The following RBFOX1 variants were observed in gnomAD, a reference collection of about 807,000 sequenced individuals.
The protein encoded by RBFOX1 is RNA binding protein fox-1 homolog 1.
RBFOX1 carries 8 observed loss-of-function variants against 57.7 expected under a neutral mutation model. The observed-to-expected ratio is 0.14, with a 90% CI of 0.08 to 0.25. The LOEUF (loss-of-function observed/expected upper bound fraction) is 0.25, where lower values mean the gene tolerates loss of function less well. RBFOX1 is among the 10% of genes least tolerant of loss of function. RBFOX1 has a pLI of 1.00. For synonymous variants in RBFOX1, 326 were observed against 222.4 expected, an observed-to-expected ratio of 1.47 and a Z score of -4.15; for missense variants, 611 against 548.5, an observed-to-expected ratio of 1.11 and a Z score of -1.14.
Position 6,915,622 on chromosome 16 carries a change from G to T in RBFOX1, c.-15-136435G>T, listed in dbSNP as rs2072958819. On this transcript the variant is annotated intron_variant, in intron 3 of 15. Transcript: ENST00000550418. Reference sequence around the variant, plus strand: ...CTGGAGTGCAGTGCCATGATCTCAGGTCACTGCAACCTCTGCCTCTCGGGT... The same window carrying T: ...CTGGAGTGCAGTGCCATGATCTCAGTTCACTGCAACCTCTGCCTCTCGGGT... Among the ~76,000 whole-genome samples the T allele has an allele frequency of 2.7e-5, 4 of 147,348 alleles. No homozygotes were observed. In the South Asian group the frequency reaches 8.7e-4, roughly 32 times the overall value.
intron 4 of RBFOX1, among the ~76,000 whole-genome samples, chr16:7,302,071 A>G (rs935447061): frequency 1.3e-5 from 2 of 152,160 alleles, no homozygotes; most frequent in South Asian, 4.1e-4. Context: ...TAAAAGCAGT[A>G]CAGAATAGCA....
chr16:6,066,316 A>C (rs1400975772), intron 1 of RBFOX1, among the ~76,000 whole-genome samples: 1 of 128,122 alleles, frequency 7.8e-6, no homozygotes, highest in Non-Finnish European at 1.8e-5. Context: ...AAAAAAAAAA[A>C]AAAAGGCATA....
intron 2 of RBFOX1, among the ~76,000 whole-genome samples, chr16:5,470,509 C>T (rs537327397): frequency 1.3e-5 from 2 of 152,186 alleles, no homozygotes; most frequent in African/African-American, 2.4e-5. Context: ...CTCTATTTAT[C>T]TCTCTCCCTC....
intron 3 of RBFOX1, among the ~76,000 whole-genome samples, chr16:6,780,020 TATATTTATATATATTTATATATATTTAC>T (rs1603621048): frequency 1.3e-4 from 6 of 45,668 alleles, no homozygotes; most frequent in Non-Finnish European, 1.7e-4. Context: ...TATATATTTA[TATATTTATATATATTTATATATATTTAC>T]ATATTTATAT....
chr16:5,534,435 A>G (rs1006899537), intron 2 of RBFOX1, among the ~76,000 whole-genome samples: 7 of 152,212 alleles, frequency 4.6e-5, no homozygotes, highest in African/African-American at 4.8e-5. Context: ...ATGGAAGCCA[A>G]CACTGCAGCC....
chr16:7,598,603 A>C (rs1470071907), intron 9 of RBFOX1, among the ~76,000 whole-genome samples: 1 of 152,124 alleles, frequency 6.6e-6, no homozygotes, highest in Non-Finnish European at 1.5e-5. Context: ...GGAAGCCGCT[A>C]TTACAGATTG....
intron 4 of RBFOX1, among the ~76,000 whole-genome samples, chr16:5,876,031 G>T (rs989813179): frequency 6.6e-6 from 1 of 152,070 alleles, no homozygotes; most frequent in South Asian, 2.1e-4. Flanking sequence ...TTTTAGTAGA[G>T]AAGGGGTTTC....
At chr16:6,733,620 T>C (rs1391153180) in intron 3 of RBFOX1, among the ~76,000 whole-genome samples, 1 of 151,914 alleles carries the variant, frequency 6.6e-6, no homozygotes, top group Non-Finnish European at 1.5e-5. Flanking sequence ...TAGCCAGGGG[T>C]GGTGGTGTGC....
chr16:5,424,170 C>G (rs1190523786), intron 1 of RBFOX1, among the ~76,000 whole-genome samples: 1 of 152,176 alleles, frequency 6.6e-6, no homozygotes, highest in African/African-American at 2.4e-5. Flanking sequence ...AGTGTGCACT[C>G]TCTCTCTCGT....
intron 2 of RBFOX1, among the ~76,000 whole-genome samples, chr16:5,485,884 A>G (rs1372305241): frequency 6.6e-6 from 1 of 152,166 alleles, no homozygotes; most frequent in Admixed American, 6.5e-5. Context: ...TCAGGATGTT[A>G]TTATCCTCTT....
At chr16:5,804,662 A>G (rs1057031529) in intron 3 of RBFOX1, among the ~76,000 whole-genome samples, 8 of 152,062 alleles carry the variant, frequency 5.3e-5, no homozygotes, top group Admixed American at 2.6e-4. Flanking sequence ...TCTTCTGCCC[A>G]TTGTGAAAGC....
At chr16:5,996,452 A>AT (rs35219123) in intron 4 of RBFOX1, among the ~76,000 whole-genome samples, 15 of 147,752 alleles carry the variant, frequency 1.0e-4, no homozygotes, top group Non-Finnish European at 1.5e-4. Flanking sequence ...TGTGAGGGTG[A>AT]TTTTTTTTTT....
At chr16:7,017,024 T>C (rs2093950289) in intron 3 of RBFOX1, among the ~76,000 whole-genome samples, 1 of 152,196 alleles carries the variant, frequency 6.6e-6, no homozygotes, top group South Asian at 2.1e-4. Context: ...TCATGACTTT[T>C]GGCTTCATCC....
chr16:5,335,590 C>T (rs2064875534), intron 1 of RBFOX1, among the ~76,000 whole-genome samples: 1 of 152,188 alleles, frequency 6.6e-6, no homozygotes. Flanking sequence ...TATGTCCTTC[C>T]TCTTCTCCAT....
chr16:7,304,225 A>T (rs1725771760), intron 4 of RBFOX1: 9 of 976,084 alleles, frequency 9.2e-6, no homozygotes, highest in African/African-American at 1.8e-5. Flanking sequence ...AGAGAGAGAG[A>T]GAGAGAGAGA....
intron 3 of RBFOX1, among the ~76,000 whole-genome samples, chr16:5,725,601 T>TCAAG (rs1406741151): frequency 6.6e-6 from 1 of 151,436 alleles, no homozygotes; most frequent in Non-Finnish European, 1.5e-5. Context: ...AGGCTCTCTC[T>TCAAG]GTAGCCCTTC....
intron 14 of RBFOX1, among the ~76,000 whole-genome samples, chr16:7,683,118 C>A (rs1316833868): frequency 7.0e-6 from 1 of 142,608 alleles, no homozygotes; most frequent in East Asian, 2.1e-4. Flanking sequence ...TCCTCCTGAT[C>A]TGCTCTGTAG....
At chr16:5,641,320 A>G (rs1048837317) in intron 3 of RBFOX1, among the ~76,000 whole-genome samples, 2 of 152,248 alleles carry the variant, frequency 1.3e-5, no homozygotes, top group African/African-American at 4.8e-5. Context: ...AAAGTCTCTG[A>G]TCTCATGGGC....
At chr16:7,617,151 T>C (rs1235709007) in intron 10 of RBFOX1, among the ~76,000 whole-genome samples, 1 of 152,174 alleles carries the variant, frequency 6.6e-6, no homozygotes, top group African/African-American at 2.4e-5. Flanking sequence ...TACAGCTTGT[T>C]AGCTTAAAGC....
Sources: allele counts gnomAD v4.1 joint callset (sites outside exome capture counted in the v4.1 genomes callset), GRCh38; gene constraint gnomAD v4.1.1; transcripts MANE v1.5; gene names NCBI Gene and HGNC (gene_info 2026-07-23, HGNC 2026-07-21).